Variants in PLCG2 observed in about 807,000 individuals in gnomAD.
The protein encoded by PLCG2 is 1-phosphatidylinositol 4,5-bisphosphate phosphodiesterase gamma-2.
Under a neutral mutation model 175.6 loss-of-function variants are expected in PLCG2, and 69 were observed. The observed-to-expected ratio is 0.39, with a 90% CI of 0.32 to 0.48. PLCG2 has a LOEUF of 0.48. PLCG2 is among the 20% of genes least tolerant of loss of function. The pLI is 0.91. For missense variants in PLCG2, 1,798 were observed against 1,650.9 expected, an observed-to-expected ratio of 1.09 and a Z score of -1.54; for synonymous variants, 827 against 624.0, an observed-to-expected ratio of 1.33 and a Z score of -4.85.
intron 1 of PLCG2, among the ~76,000 whole-genome samples, chr16:81,746,721 A>G (rs1909714537): frequency 6.6e-6 from 1 of 152,166 alleles, no homozygotes; most frequent in African/African-American, 2.4e-5. Flanking sequence ...AAGCATCTGT[A>G]AAGTGGGCAT....
chr16:81,777,978 C>G (rs1270994696), upstream of PLCG2, among the ~76,000 whole-genome samples: 2 of 137,248 alleles, frequency 1.5e-5, no homozygotes, highest in Non-Finnish European at 3.1e-5. Context: ...GATCGTGCCA[C>G]TGCACTCCAG....
chr16:81,816,907 A>G (rs998993607), intron 2 of PLCG2, among the ~76,000 whole-genome samples: 2 of 152,070 alleles, frequency 1.3e-5, no homozygotes, highest in Non-Finnish European at 2.9e-5. Flanking sequence ...CTGGGGCCAC[A>G]TCCGGTTCTG....
chr16:81,877,573 T>C (rs923986519), intron 7 of PLCG2, among the ~76,000 whole-genome samples: 1 of 152,184 alleles, frequency 6.6e-6, no homozygotes, highest in Admixed American at 6.5e-5. Context: ...AAGGATGTGT[T>C]CCAGACATCT....
intron 2 of PLCG2, among the ~76,000 whole-genome samples, chr16:81,850,332 C>T (rs565802969): frequency 2.6e-5 from 4 of 152,156 alleles, no homozygotes; most frequent in African/African-American, 9.7e-5. Flanking sequence ...TAAAAGTACT[C>T]AAGCTTCCCC....
intron 7 of PLCG2, among the ~76,000 whole-genome samples, chr16:81,871,754 T>C (rs1186905245): frequency 2.0e-5 from 3 of 152,214 alleles, no homozygotes; most frequent in Non-Finnish European, 2.9e-5. Context: ...CTGGGGACTC[T>C]GTTTTATGAA....
chr16:81,887,659 A>G (rs1398023612), intron 9 of PLCG2, among the ~76,000 whole-genome samples: 3 of 152,194 alleles, frequency 2.0e-5, no homozygotes, highest in African/African-American at 7.2e-5. Flanking sequence ...TGTTTCGGAC[A>G]TTGCATCCAG....
At chr16:81,843,501 A>T (rs553366136) in intron 2 of PLCG2, among the ~76,000 whole-genome samples, 13 of 152,160 alleles carry the variant, frequency 8.5e-5, no homozygotes, top group African/African-American at 3.1e-4. Flanking sequence ...ACCCCAGCCA[A>T]TTTCCTTAGT....
Position 81,900,662 on chromosome 16 carries a change from G to A in PLCG2, c.1244G>A (p.Arg415His), listed in dbSNP as rs774111706. 1.2e-6 allele frequency: 2 copies of A among 1,612,200 alleles called. No homozygotes were observed. The highest frequency in any genetic ancestry group is 1.1e-5 in the South Asian group (1 of 91,046). ...GAGCACTGCAGCGTGGAGCAACAGC[G>A]TCACATGGCCAAGGCCTTCAAGGAA... ...IEEHCSVEQQRHMAKAFKEVF... is the reference protein window; with the variant it reads ...IEEHCSVEQQHHMAKAFKEVF... Residue 415 changes from arginine to histidine, a missense_variant, in exon 14 of 33, where the codon CGT (arginine) becomes CAT (histidine). By Grantham distance (29) the Arg-to-His change is conservative (BLOSUM62 0). Transcript: ENST00000564138.
chr16:81,852,051 C>T (rs938205919), intron 2 of PLCG2: 3 of 152,320 alleles, frequency 2.0e-5, no homozygotes, highest in Non-Finnish European at 4.4e-5. Flanking sequence ...TAATTCCAGG[C>T]CACAGCCACC....
chr16:81,789,882 C>T (rs1476683377), intron 2 of PLCG2, among the ~76,000 whole-genome samples: 1 of 149,910 alleles, frequency 6.7e-6, no homozygotes, highest in South Asian at 2.1e-4. Context: ...ATTTGGATGC[C>T]CACTGTAGGC....
chr16:81,759,669 G>C (rs1279089835), intron 2 of PLCG2, among the ~76,000 whole-genome samples: 1 of 152,184 alleles, frequency 6.6e-6, no homozygotes, highest in African/African-American at 2.4e-5. Flanking sequence ...GACCGCTACT[G>C]TTGCCGCTTT....
Position 81,751,469 on chromosome 16 carries a change from G to A in PLCG2, c.-144-4401G>A, listed in dbSNP as rs78745645. ...AGTAGAATGGTGGTTACAGAGGCTC[G>A]AGGACGGGAAATGGGGAGATGGTGG... is the stretch of plus-strand genomic sequence containing the variant. On this transcript the variant is annotated intron_variant, in intron 1 of 5. Transcript: ENST00000565054. Among the ~76,000 whole-genome samples, 179 of 152,284 alleles carry A rather than the reference G, an allele frequency of 1.2e-3. 3 individuals carry two copies. In the East Asian group the frequency reaches 0.03, roughly 25 times the overall value.
intron 29 of PLCG2, among the ~76,000 whole-genome samples, chr16:81,939,209 C>G (rs1365183769): frequency 6.6e-6 from 1 of 152,124 alleles, no homozygotes; most frequent in Non-Finnish European, 1.5e-5. Context: ...TGATTAATCT[C>G]CTGAGTCAAA....
chr16:81,952,831 G>A (rs1911420027), intron 31 of PLCG2, among the ~76,000 whole-genome samples: 1 of 152,180 alleles, frequency 6.6e-6, no homozygotes, highest in South Asian at 2.1e-4. Context: ...ATGAAAGTTG[G>A]AGGAGAAATA....
At chr16:81,953,005 G>A (rs1318653120) in intron 31 of PLCG2, among the ~76,000 whole-genome samples, 1 of 152,214 alleles carries the variant, frequency 6.6e-6, no homozygotes, top group East Asian at 1.9e-4. Context: ...TACTTCCTGA[G>A]GTGAGACGCT....
intron 12 of PLCG2, among the ~76,000 whole-genome samples, chr16:81,894,110 T>TG (rs1367366621): frequency 3.9e-5 from 6 of 151,912 alleles, no homozygotes; most frequent in Admixed American, 2.6e-4. Context: ...TCACCTGGAT[T>TG]GGGGGGTCTC....
chr16:81,857,969 T>C, intron 3 of PLCG2: 1 of 391,190 alleles, frequency 2.6e-6, no homozygotes, highest in Non-Finnish European at 4.7e-6. Flanking sequence ...AACAATGTCA[T>C]AGTGATAGTT....
chr16:81,810,639 T>G (rs1446163365), intron 2 of PLCG2, among the ~76,000 whole-genome samples: 1 of 52,172 alleles, frequency 1.9e-5, no homozygotes, highest in Non-Finnish European at 4.2e-5. Context: ...TTCTGCAATT[T>G]CTTTCTTTTT....
intron 2 of PLCG2, among the ~76,000 whole-genome samples, chr16:81,850,200 T>G (rs897795416): frequency 2.6e-5 from 4 of 152,180 alleles, no homozygotes; most frequent in Non-Finnish European, 1.5e-5. Flanking sequence ...GATGAGGTGT[T>G]AGGTTATGTT....
Sources: gnomAD v4.1 joint callset for allele counts (sites outside exome capture counted in the v4.1 genomes callset) on GRCh38, gnomAD v4.1.1 for gene constraint, MANE v1.5 for transcripts, NCBI Gene and HGNC (gene_info 2026-07-23, HGNC 2026-07-21) for gene names.